The following DTNB variants were observed in gnomAD, a reference collection of about 807,000 sequenced individuals.
DTNB encodes the protein dystrobrevin beta, also known as DTN-B.
Under a neutral mutation model 90.7 loss-of-function variants are expected in DTNB, and 63 were observed. That is an observed-to-expected ratio of 0.69 (90% CI 0.57 to 0.86). The LOEUF (loss-of-function observed/expected upper bound fraction) is 0.86, where lower values mean the gene tolerates loss of function less well. Ranked by LOEUF, DTNB falls within the 40% of genes least tolerant of loss-of-function variation. The pLI is 0.00. For missense variants in DTNB, 744 were observed against 807.1 expected (o/e 0.92, Z 0.95); for synonymous variants, 277 against 286.7 (o/e 0.97, Z 0.34).
chr2:25,560,973 G>C, intron 8 of DTNB, among the ~76,000 whole-genome samples: 1 of 152,070 alleles, frequency 6.6e-6, no homozygotes, highest in East Asian at 1.9e-4. Context: ...CCCTATGTTG[G>C]CTGCCATTTC....
At chr2:25,530,640 T>G (rs976493316) in intron 9 of DTNB, among the ~76,000 whole-genome samples, 4 of 152,102 alleles carry the variant, frequency 2.6e-5, no homozygotes, top group Admixed American at 2.6e-4. Flanking sequence ...TTAATAAATA[T>G]AAACAGGTAT....
intron 8 of DTNB, among the ~76,000 whole-genome samples, chr2:25,536,764 TTTTA>T (rs1039461792): frequency 6.6e-6 from 1 of 151,830 alleles, no homozygotes; most frequent in Non-Finnish European, 1.5e-5. Flanking sequence ...GAGGGAGAGC[TTTTA>T]TTTATTTATC....
chr2:25,558,524 T>G (rs1239741759), intron 8 of DTNB: 5 of 459,382 alleles, frequency 1.1e-5, no homozygotes, highest in Non-Finnish European at 1.4e-5. Flanking sequence ...ATACACTTCT[T>G]TGTAATGGAA....
intron 4 of DTNB, among the ~76,000 whole-genome samples, chr2:25,625,552 T>TA (rs1491198933): frequency 8.4e-4 from 2 of 2,378 alleles, no homozygotes; most frequent in African/African-American, 3.2e-3. Flanking sequence ...AACTCACTCA[T>TA]TTTTTTTTTT....
intron 3 of DTNB, among the ~76,000 whole-genome samples, chr2:25,629,047 ACTT>A (rs780995126): frequency 6.6e-6 from 1 of 152,236 alleles, no homozygotes; most frequent in Non-Finnish European, 1.5e-5. Context: ...GAATATAAAA[ACTT>A]CTTAAGTGCA....
At chr2:25,661,264 CACTA>C (rs2083121329) in intron 1 of DTNB, among the ~76,000 whole-genome samples, 1 of 152,164 alleles carries the variant, frequency 6.6e-6, no homozygotes, top group Admixed American at 6.5e-5. Flanking sequence ...AAAGACAAGT[CACTA>C]ACTGGGAAAA....
intron 8 of DTNB, among the ~76,000 whole-genome samples, chr2:25,546,428 T>C (rs775169219): frequency 6.6e-6 from 1 of 152,256 alleles, no homozygotes; most frequent in Non-Finnish European, 1.5e-5. Flanking sequence ...GGCTGCTGGA[T>C]ATTTTTTGTA....
rs760890237 is a variant in DTNB, at chr2:25,451,615, C to G, written c.1190G>C (p.Arg397Pro). Residue 397 changes from arginine (R) to proline (P), a missense_variant, in exon 12 of 21, where the codon CGA (arginine) becomes CCA (proline). Transcript: ENST00000406818. ...TATAAGACGGTGTTCCTCATCCAGTCGGCTAGGACTGTCCAGAACACTGCC... is the reference window on the plus strand; with the variant it reads ...TATAAGACGGTGTTCCTCATCCAGTGGGCTAGGACTGTCCAGAACACTGCC... ...HCARVLDSPS[R>P]LDEEHRLIAR... is the part of the protein sequence containing the mutation. 1 of 1,602,978 alleles carries G rather than the reference C, an allele frequency of 6.2e-7. No homozygotes were observed. The highest frequency in any genetic ancestry group is 8.5e-7 in the Non-Finnish European group (1 of 1,174,566).
At chr2:25,549,788 G>A (rs2083206915) in intron 8 of DTNB, among the ~76,000 whole-genome samples, 1 of 151,928 alleles carries the variant, frequency 6.6e-6, no homozygotes, top group East Asian at 1.9e-4. Context: ...AGCCTGCCAA[G>A]TAGCTGGGAC....
intron 12 of DTNB, among the ~76,000 whole-genome samples, chr2:25,447,675 T>G (rs1473188956): frequency 6.6e-6 from 1 of 151,764 alleles, no homozygotes; most frequent in East Asian, 1.9e-4. Context: ...TGGCTAATTT[T>G]TTTTTGTATT....
intron 4 of DTNB, among the ~76,000 whole-genome samples, chr2:25,620,081 A>C (rs2072082273): frequency 6.6e-6 from 1 of 152,190 alleles, no homozygotes. Flanking sequence ...AATTCTCAGA[A>C]ATAGAAAAGA....
intron 6 of DTNB, among the ~76,000 whole-genome samples, chr2:25,581,661 T>A (rs973297164): frequency 6.6e-6 from 1 of 152,246 alleles, no homozygotes; most frequent in African/African-American, 2.4e-5. Context: ...TAGAGTTATA[T>A]GATATAGAGA....
intron 9 of DTNB, among the ~76,000 whole-genome samples, chr2:25,525,804 A>T (rs2076978983): frequency 6.6e-6 from 1 of 152,174 alleles, no homozygotes; most frequent in African/African-American, 2.4e-5. Context: ...AGAAACGTGA[A>T]GTCAGGTTCA....
At chr2:25,400,471 G>T (rs908234736) in intron 16 of DTNB, among the ~76,000 whole-genome samples, 5 of 152,204 alleles carry the variant, frequency 3.3e-5, no homozygotes, top group African/African-American at 1.2e-4. Flanking sequence ...CTTGGGGAGG[G>T]GGAGGCATCA....
At chr2:25,610,048 CAA>C (rs1280718413) in intron 4 of DTNB, among the ~76,000 whole-genome samples, 1 of 152,114 alleles carries the variant, frequency 6.6e-6, no homozygotes, top group Non-Finnish European at 1.5e-5. Context: ...TTACTGTTTC[CAA>C]AGACTGTCCT....
At chr2:25,646,592 C>T (rs1365125985) in intron 2 of DTNB, among the ~76,000 whole-genome samples, 1 of 152,186 alleles carries the variant, frequency 6.6e-6, no homozygotes, top group Non-Finnish European at 1.5e-5. Flanking sequence ...CCCAGACATT[C>T]CTTTCTATTG....
At position 25,580,821 on chromosome 2, in the gene DTNB, C is replaced by G; in HGVS notation, c.609G>C (p.Lys203Asn). ...SVRTCFPQQR[K>N]IMLNMFLDTM... is the part of the protein sequence containing the mutation. Reference sequence around the variant, plus strand: ...TGTCTAAAAACATATTTAGCATTATCTTTCTCTGTAAAGAGAAGAAAAACA... The same window carrying G: ...TGTCTAAAAACATATTTAGCATTATGTTTCTCTGTAAAGAGAAGAAAAACA... Residue 203 changes from lysine to asparagine, a missense_variant, in exon 7 of 21, where the codon AAG becomes AAC. Transcript: ENST00000406818. 1.2e-6 allele frequency: 2 copies of G among 1,611,526 alleles called. No individual in the cohort carries two copies. The highest frequency in any genetic ancestry group is 2.2e-5 in the South Asian group (2 of 90,656).
rs1216264559 is a variant in DTNB, at chr2:25,526,386, TATA to T, written c.1001+5084_1001+5086del. ...AAATATATATATATATATATATATA[TATA>T]TATATATTTTTTTTTTTTTAATTGA... On this transcript the variant is annotated intron_variant, in intron 9 of 20. Coordinates refer to ENST00000406818, the MANE Select transcript of DTNB (RefSeq NM_021907.5). 9.3e-3 allele frequency among the ~76,000 whole-genome samples: 519 copies of T among 56,020 alleles called. 7 individuals are homozygous for T. The highest frequency in any genetic ancestry group is 0.032 in the African/African-American group (332 of 10,250). 36.8% of individuals were successfully genotyped at this position (56,020 alleles called of 152,430 possible). A position where few individuals can be genotyped will look rare whatever the true frequency, so the allele number is the denominator to read the frequency against.
chr2:25,460,309 T>C (rs757141768), intron 10 of DTNB, among the ~76,000 whole-genome samples: 2 of 152,054 alleles, frequency 1.3e-5, no homozygotes, highest in South Asian at 2.1e-4. Context: ...TTATGAGATA[T>C]GTATTAAATA....
Sources: allele counts gnomAD v4.1 joint callset (sites outside exome capture counted in the v4.1 genomes callset), GRCh38; gene constraint gnomAD v4.1.1; transcripts MANE v1.5; gene names NCBI Gene and HGNC (gene_info 2026-07-23, HGNC 2026-07-21).